Variants in PID1 observed in about 807,000 individuals in gnomAD.
PID1 encodes the protein PTB-containing, cubilin and LRP1-interacting protein.
In PID1, 10 loss-of-function variants were observed where a neutral mutation model predicts 19.1. The observed-to-expected ratio is 0.52, with a 90% CI of 0.32 to 0.89. The LOEUF (loss-of-function observed/expected upper bound fraction) is 0.89. PID1 is among the 40% of genes least tolerant of loss of function. The pLI, the probability that PID1 is intolerant of heterozygous loss-of-function variation, is 0.03. For synonymous variants in PID1, 130 were observed against 116.0 expected (o/e 1.12, Z -0.78); for missense variants, 248 against 285.3 (o/e 0.87, Z 0.94).
chr2:229,225,360 A>G (rs192757502), intron 1 of PID1, among the ~76,000 whole-genome samples: 30 of 152,310 alleles, frequency 2.0e-4, no homozygotes, highest in Admixed American at 4.6e-4. Flanking sequence ...CTCAAGGGTC[A>G]TTCTCCATCC....
At chr2:229,142,080 T>C (rs1690026909) in intron 2 of PID1, among the ~76,000 whole-genome samples, 1 of 152,080 alleles carries the variant, frequency 6.6e-6, no homozygotes, top group South Asian at 2.1e-4. Context: ...TTATTGCCAC[T>C]TTTTGGTCAT....
chr2:229,183,549 A>G (rs957400092), intron 1 of PID1, among the ~76,000 whole-genome samples: 3 of 152,168 alleles, frequency 2.0e-5, no homozygotes, highest in African/African-American at 4.8e-5. Context: ...GAAGGCCTAA[A>G]TAAAACCAAT....
intron 2 of PID1, among the ~76,000 whole-genome samples, chr2:229,072,285 A>G (rs867344169): frequency 6.6e-6 from 1 of 152,274 alleles, no homozygotes; most frequent in Middle Eastern, 3.4e-3. Context: ...ATCAGGAGGT[A>G]TGCTAATTGT....
At chr2:229,135,081 G>T (rs1689832517) in intron 2 of PID1, among the ~76,000 whole-genome samples, 1 of 152,118 alleles carries the variant, frequency 6.6e-6, no homozygotes, top group African/African-American at 2.4e-5. Context: ...GAGAAGAGGA[G>T]GGAAAGATGT....
At chr2:229,194,164 A>G (rs1171922861) in intron 1 of PID1, among the ~76,000 whole-genome samples, 1 of 152,146 alleles carries the variant, frequency 6.6e-6, no homozygotes, top group Non-Finnish European at 1.5e-5. Context: ...TGAGTTTTCA[A>G]AAAATAATTT....
chr2:229,168,409 A>G (rs1275163060), intron 1 of PID1, among the ~76,000 whole-genome samples: 1 of 151,860 alleles, frequency 6.6e-6, no homozygotes, highest in Non-Finnish European at 1.5e-5. Flanking sequence ...ACCTATATTC[A>G]AGTTTACTTA....
At chr2:229,229,783 C>T (rs1468693716) in intron 1 of PID1, among the ~76,000 whole-genome samples, 1 of 152,246 alleles carries the variant, frequency 6.6e-6, no homozygotes, top group Non-Finnish European at 1.5e-5. Flanking sequence ...TCCCACCCGT[C>T]TTCTCCCTTT....
chr2:229,049,926 TAC>T (rs774907356), intron 2 of PID1, among the ~76,000 whole-genome samples: 11 of 107,382 alleles, frequency 1.0e-4, no homozygotes, highest in African/African-American at 3.6e-4. Flanking sequence ...TATACATATA[TAC>T]ACACACATGC....
chr2:229,118,736 C>G (rs1695459207), intron 2 of PID1, among the ~76,000 whole-genome samples: 1 of 152,090 alleles, frequency 6.6e-6, no homozygotes, highest in South Asian at 2.1e-4. Flanking sequence ...CATGAAAGGA[C>G]TTTAAGTAAA....
At chr2:229,152,809 T>C (rs1690284944) in intron 2 of PID1, among the ~76,000 whole-genome samples, 1 of 152,100 alleles carries the variant, frequency 6.6e-6, no homozygotes, top group East Asian at 1.9e-4. Context: ...AGGGTCTCAG[T>C]GGTGCTCGCC....
chr2:229,134,231 G>GTTTTTTTTGTTTTTTTTTTTTTTTT (rs1689808543), intron 2 of PID1, among the ~76,000 whole-genome samples: 1 of 109,220 alleles, frequency 9.2e-6, no homozygotes, highest in Non-Finnish European at 1.8e-5. Context: ...TACTACCTGT[G>GTTTTTTTTGTTTTTTTTTTTTTTTT]TTTTTTTTTT....
intron 1 of PID1, among the ~76,000 whole-genome samples, chr2:229,261,535 G>C (rs191382328): frequency 3.5e-4 from 53 of 152,248 alleles, no homozygotes; most frequent in African/African-American, 1.0e-3. Context: ...CATGCAGTGG[G>C]TGAATCTGTG....
intron 1 of PID1, among the ~76,000 whole-genome samples, chr2:229,159,778 A>T (rs10189448): frequency 0.29 from 44,207 of 152,118 alleles, 6,931 homozygotes; most frequent in Non-Finnish European, 0.36. Flanking sequence ...ACTTGAATTT[A>T]AAAAAGAAAA....
chr2:229,144,130 G>A (rs1048233137), intron 2 of PID1, among the ~76,000 whole-genome samples: 2 of 152,118 alleles, frequency 1.3e-5, no homozygotes, highest in East Asian at 1.9e-4. Flanking sequence ...GAAAAGTTGA[G>A]AGTAAAATAA....
chr2:229,155,130 A>T (rs917996608), intron 2 of PID1, among the ~76,000 whole-genome samples: 2 of 152,170 alleles, frequency 1.3e-5, no homozygotes, highest in Non-Finnish European at 2.9e-5. Context: ...TGTTTTTTTC[A>T]TTCTTCAAGA....
At chr2:229,248,604 T>C (rs765738462) in intron 1 of PID1, among the ~76,000 whole-genome samples, 32 of 152,346 alleles carry the variant, frequency 2.1e-4, no homozygotes, top group South Asian at 6.2e-4. Flanking sequence ...TTAAATATTA[T>C]TATGATGATT....
At chr2:229,186,618 C>T (rs2106226620) in intron 1 of PID1, among the ~76,000 whole-genome samples, 2 of 152,284 alleles carry the variant, frequency 1.3e-5, no homozygotes, top group East Asian at 3.9e-4. Context: ...AGGCTGCATA[C>T]AGCACAGTGA....
chr2:229,139,357 G>A (rs2106178709), intron 2 of PID1, among the ~76,000 whole-genome samples: 1 of 152,216 alleles, frequency 6.6e-6, no homozygotes, highest in African/African-American at 2.4e-5. Context: ...AAAGACAAAC[G>A]ACTACAGATT....
chr2:229,171,212 A>G (rs1690706550), intron 1 of PID1, among the ~76,000 whole-genome samples: 1 of 152,208 alleles, frequency 6.6e-6, no homozygotes, highest in Non-Finnish European at 1.5e-5. Context: ...TTACAGGAAT[A>G]TGTTTTGGTT....
Sources: allele counts gnomAD v4.1 joint callset (sites outside exome capture counted in the v4.1 genomes callset), GRCh38; gene constraint gnomAD v4.1.1; transcripts MANE v1.5; gene names NCBI Gene and HGNC (gene_info 2026-07-23, HGNC 2026-07-21).